The following SMN2 variants were observed in gnomAD, a reference collection of about 807,000 sequenced individuals.
SMN2 encodes the protein survival motor neuron protein.
SMN2 carries 1 observed loss-of-function variant against 2.8 expected under a neutral mutation model. The observed-to-expected ratio is 0.35, with a 90% CI of 0.13 to 1.68. The LOEUF (loss-of-function observed/expected upper bound fraction) is 1.68, where lower values mean the gene tolerates loss of function less well. Ranked by LOEUF, SMN2 falls within the 40% of genes most tolerant of loss-of-function variation. The pLI is 0.35. For missense variants in SMN2, 12 were observed against 16.9 expected (o/e 0.71, Z 0.51); for synonymous variants, 5 against 5.0 (o/e 0.99, Z 0.01).
chr5:70,080,096 G>GGGTGGATCACCTGAGGTC (rs1416565571), downstream of SMN2, among the ~76,000 whole-genome samples: 1 of 111,056 alleles, frequency 9.0e-6, no homozygotes. Flanking sequence ...AGGCTGAGGT[G>GGGTGGATCACCTGAGGTC]GGTGGATCAC....
the SMN2 span, among the ~76,000 whole-genome samples, chr5:70,083,968 GA>G: frequency 9.2e-6 from 1 of 108,632 alleles, no homozygotes; most frequent in Non-Finnish European, 1.7e-5. Context: ...AATAAAATAA[GA>G]AAAATGCAAA....
rs1359417075 is a variant in SMN2 at position 70,074,657 on chromosome 5, T to A, written c.835-1864T>A. Among the ~76,000 whole-genome samples, 22 of 83,832 alleles carry A rather than the reference T, an allele frequency of 2.6e-4. 3 individuals carry two copies. Among genetic ancestry groups the A allele is most frequent in the East Asian group, 6.9e-4 (2 of 2,892 alleles). The allele number at this position is 83,832 out of a possible 152,430, so 55.0% of individuals were successfully genotyped here. A position where few individuals can be genotyped will look rare whatever the true frequency, so the allele number is the denominator to read the frequency against. ...AAACTCCATCTCAAAAAAAAAAAAA[T>A]AAGGTATAAGCGGGCTCAGGAACAT... On this transcript the variant is annotated intron_variant, in intron 7 of 8. Transcript: ENST00000380743.
chr5:70,074,756 G>T (rs1774691019), intron 7 of SMN2, among the ~76,000 whole-genome samples: 1 of 129,912 alleles, frequency 7.7e-6, no homozygotes, highest in Admixed American at 7.8e-5. Flanking sequence ...ACTTTGGGAG[G>T]CCAAGGCAGG....
At chr5:70,080,863 CT>C (rs1774845860), downstream of SMN2, among the ~76,000 whole-genome samples, 1 of 107,626 alleles carries the variant, frequency 9.3e-6, no homozygotes, top group African/African-American at 4.6e-5. Context: ...TGCAGAAGCT[CT>C]TTAGTTTAAT....
intron 7 of SMN2, among the ~76,000 whole-genome samples, chr5:70,075,700 G>T (rs545324067): frequency 8.3e-6 from 1 of 120,440 alleles, no homozygotes; most frequent in Admixed American, 8.3e-5. Flanking sequence ...TAGAGACCAG[G>T]TCTCACTCTA....
intron 7 of SMN2, among the ~76,000 whole-genome samples, chr5:70,075,202 GT>G (rs1363900686): frequency 1.3e-5 from 1 of 76,082 alleles, no homozygotes; most frequent in Non-Finnish European, 2.5e-5. Flanking sequence ...CCAGTTTTGT[GT>G]TTTGTTTTGT....
chr5:70,079,211 T>C (rs1327873912), downstream of SMN2, among the ~76,000 whole-genome samples: 1 of 138,092 alleles, frequency 7.2e-6, no homozygotes, highest in East Asian at 2.1e-4. Context: ...GGCGGGTGGA[T>C]CACCTGAGAT....
At chr5:70,084,977 T>G in the SMN2 span, among the ~76,000 whole-genome samples, 1 of 138,328 alleles carries the variant, frequency 7.2e-6, no homozygotes, top group Admixed American at 7.2e-5. Flanking sequence ...TGCTCAGTTT[T>G]TTGTGTAGCT....
chr5:70,082,825 A>ACTG (rs1369045542), downstream of SMN2, among the ~76,000 whole-genome samples: 1 of 26,386 alleles, frequency 3.8e-5, no homozygotes, highest in Non-Finnish European at 6.8e-5. Flanking sequence ...CTCCTGGATT[A>ACTG]ATTTTTTGAA....
downstream of SMN2, among the ~76,000 whole-genome samples, chr5:70,079,703 G>A (rs1774828162): frequency 7.4e-6 from 1 of 135,964 alleles, no homozygotes; most frequent in Non-Finnish European, 1.5e-5. Flanking sequence ...GCTGTGTAAT[G>A]AGCCGTGTTC....
chr5:70,084,454 T>TG, the SMN2 span, among the ~76,000 whole-genome samples: 1 of 133,974 alleles, frequency 7.5e-6, no homozygotes, highest in Non-Finnish European at 1.5e-5. Flanking sequence ...CCCAAAGTGC[T>TG]GGGATTACAG....
At chr5:70,084,241 CA>C in the SMN2 span, among the ~76,000 whole-genome samples, 1 of 63,986 alleles carries the variant, frequency 1.6e-5, no homozygotes, top group Non-Finnish European at 2.8e-5. Flanking sequence ...GGCTGGAGTG[CA>C]ATGGCGTGAT....
downstream of SMN2, among the ~76,000 whole-genome samples, chr5:70,083,503 G>A (rs867326211): frequency 4.0e-4 from 54 of 135,984 alleles, 13 homozygotes; most frequent in African/African-American, 1.3e-3. Context: ...ACATGCACAC[G>A]TATGTTTATT....
At chr5:70,084,421 T>G in the SMN2 span, among the ~76,000 whole-genome samples, 3 of 128,744 alleles carry the variant, frequency 2.3e-5, no homozygotes, top group African/African-American at 1.0e-4. Flanking sequence ...ACTCCTGACC[T>G]TGTGATCTGC....
At chr5:70,082,177 G>T (rs1447113071), downstream of SMN2, among the ~76,000 whole-genome samples, 2 of 124,416 alleles carry the variant, frequency 1.6e-5, 1 homozygote, top group African/African-American at 7.6e-5. Context: ...ATTGATTTGC[G>T]TATGTTGAAC....
intron 7 of SMN2, among the ~76,000 whole-genome samples, chr5:70,075,511 G>A (rs1220198781): frequency 8.3e-6 from 1 of 120,490 alleles, no homozygotes; most frequent in East Asian, 2.2e-4. Context: ...ACTGTGCCCG[G>A]CCTAGTCTTG....
chr5:70,079,700 A>T (rs1392886828), downstream of SMN2, among the ~76,000 whole-genome samples: 3 of 137,096 alleles, frequency 2.2e-5, 1 homozygote, highest in East Asian at 4.2e-4. Flanking sequence ...GAGGCTGTGT[A>T]ATGAGCCGTG....
the SMN2 span, among the ~76,000 whole-genome samples, chr5:70,088,273 GC>G: frequency 9.2e-6 from 1 of 109,104 alleles, no homozygotes; most frequent in Non-Finnish European, 1.8e-5. Flanking sequence ...GTGCAAGAAT[GC>G]CCCAATACAG....
chr5:70,076,395 G>T lies in SMN2; in HGVS notation c.835-126G>T. ...TCAACTTAATTTCTGATCATATTTT[G>T]TTGAATAAAATAAGTAAAATGTCTT... On this transcript the variant is annotated intron_variant, in intron 7 of 8. Transcript: ENST00000380743. 4.0e-6 allele frequency: 2 copies of T among 497,540 alleles called. 1 individual carries two copies. Among genetic ancestry groups the T allele is most frequent in the Non-Finnish European group, 7.2e-6 (2 of 279,330 alleles). The allele number at this position is 497,540 out of a possible 1,614,324, so 30.8% of individuals were successfully genotyped here.
Sources: allele counts gnomAD v4.1 joint callset (sites outside exome capture counted in the v4.1 genomes callset), GRCh38; gene constraint gnomAD v4.1.1; transcripts MANE v1.5; gene names NCBI Gene and HGNC (gene_info 2026-07-23, HGNC 2026-07-21).